Variants in NRG3 observed in about 807,000 individuals in gnomAD.
NRG3 encodes the protein neuregulin 3, also known as pro-neuregulin-3, membrane-bound isoform.
NRG3 carries 31 observed loss-of-function variants against 66.9 expected under a neutral mutation model. The observed-to-expected ratio is 0.46, with a 90% CI of 0.35 to 0.63. The LOEUF (loss-of-function observed/expected upper bound fraction) is 0.63, where lower values mean the gene tolerates loss of function less well. Among genes scored for constraint, NRG3 ranks in the 20% least tolerant of loss-of-function variants. The probability of loss-of-function intolerance (pLI) is 0.00; values close to 1 mark genes in which losing one functional copy is unlikely to be tolerated. For synonymous variants in NRG3, 393 were observed against 359.4 expected (o/e 1.09, Z -1.06); for missense variants, 910 against 878.9 (o/e 1.04, Z -0.45).
intron 4 of NRG3, among the ~76,000 whole-genome samples, chr10:82,900,523 G>T (rs1654888816): frequency 6.6e-6 from 1 of 151,866 alleles, no homozygotes; most frequent in Admixed American, 6.6e-5. Context: ...ACTAATATAG[G>T]TATAGGAAGA....
chr10:82,877,082 T>A (rs917112552), intron 4 of NRG3, among the ~76,000 whole-genome samples: 2 of 151,702 alleles, frequency 1.3e-5, no homozygotes, highest in Admixed American at 6.6e-5. Flanking sequence ...GTTAAAAAAT[T>A]GTTTTTTATA....
intron 1 of NRG3, among the ~76,000 whole-genome samples, chr10:81,882,823 C>T (rs542114475): frequency 1.3e-5 from 2 of 152,250 alleles, no homozygotes; most frequent in Admixed American, 6.5e-5. Context: ...GATATCCTGG[C>T]ACACACAATA....
intron 2 of NRG3, among the ~76,000 whole-genome samples, chr10:82,626,471 A>G (rs879433610): frequency 6.6e-6 from 1 of 152,162 alleles, no homozygotes; most frequent in Non-Finnish European, 1.5e-5. Flanking sequence ...AATCACCCAC[A>G]TATTGTGTCA....
intron 2 of NRG3, among the ~76,000 whole-genome samples, chr10:82,467,603 G>T (rs1249276520): frequency 6.6e-6 from 1 of 152,166 alleles, no homozygotes; most frequent in Non-Finnish European, 1.5e-5. Context: ...ACACCAAGGG[G>T]CCCCAGGACC....
intron 2 of NRG3, among the ~76,000 whole-genome samples, chr10:82,367,690 G>A (rs2084630315): frequency 6.6e-6 from 1 of 151,950 alleles, no homozygotes; most frequent in South Asian, 2.1e-4. Flanking sequence ...ACTGCTACTA[G>A]CAGACAAATT....
intron 1 of NRG3, among the ~76,000 whole-genome samples, chr10:81,980,550 GA>G (rs1316238315): frequency 2.0e-5 from 3 of 152,168 alleles, no homozygotes; most frequent in Non-Finnish European, 4.4e-5. Flanking sequence ...ATTTTAAGGA[GA>G]GGGGCAAGGC....
chr10:82,096,821 G>A (rs895765952), intron 1 of NRG3, among the ~76,000 whole-genome samples: 1 of 152,054 alleles, frequency 6.6e-6, no homozygotes, highest in African/African-American at 2.4e-5. Flanking sequence ...ATAATCCATT[G>A]CCTATGAGAC....
chr10:82,715,233 A>G lies in NRG3; in HGVS notation c.954-23344A>G, dbSNP rs561414712. 1.4e-4 allele frequency among the ~76,000 whole-genome samples: 21 copies of G among 152,256 alleles called. No individual in the cohort carries two copies. The East Asian group carries it at 3.9e-3, about 28-fold the overall frequency. On this transcript the variant is annotated intron_variant, in intron 2 of 8. Transcript: ENST00000372141. ...AACATGGCAAAACCCCATCGCTACC[A>G]AAAAATACAAAACAATTAGCCAGCT... is the stretch of plus-strand genomic sequence containing the variant.
chr10:82,985,083 G>C lies in NRG3; in HGVS notation c.1584-15G>C, dbSNP rs983548282. The C allele has an allele frequency of 1.9e-6, 3 of 1,610,414 alleles. No individual in the cohort carries two copies. Among genetic ancestry groups the C allele is most frequent in the Non-Finnish European group, 2.5e-6 (3 of 1,178,264 alleles). ...GGTAGAAAGCAGAAGGAGTAACACTGTGTTTCTTTTTCAGGTATTCATCCA... is the reference window on the plus strand; with the variant it reads ...GGTAGAAAGCAGAAGGAGTAACACTCTGTTTCTTTTTCAGGTATTCATCCA... On this transcript the variant is annotated splice_polypyrimidine_tract_variant and intron_variant, in intron 8 of 8. Coordinates refer to ENST00000372141, the MANE Select transcript of NRG3 (RefSeq NM_001010848.4).
At chr10:82,073,815 T>C (rs1351867878) in intron 1 of NRG3, among the ~76,000 whole-genome samples, 1 of 152,222 alleles carries the variant, frequency 6.6e-6, no homozygotes, top group African/African-American at 2.4e-5. Context: ...AAATAGTATA[T>C]GTACTTGAAA....
intron 3 of NRG3, among the ~76,000 whole-genome samples, chr10:82,777,294 T>A (rs2059946968): frequency 6.6e-6 from 1 of 151,744 alleles, no homozygotes; most frequent in African/African-American, 2.4e-5. Flanking sequence ...GCTTTAGGGG[T>A]CTTCCTGTTT....
intron 1 of NRG3, among the ~76,000 whole-genome samples, chr10:82,017,388 G>A (rs781457549): frequency 1.8e-4 from 28 of 152,220 alleles, no homozygotes; most frequent in Non-Finnish European, 2.5e-4. Flanking sequence ...GAGTAGTGCC[G>A]CAATAAACAT....
At chr10:82,777,543 C>T (rs889916869) in intron 3 of NRG3, among the ~76,000 whole-genome samples, 7 of 152,118 alleles carry the variant, frequency 4.6e-5, no homozygotes, top group African/African-American at 1.2e-4. Flanking sequence ...AGGGTGGTGA[C>T]TCTTAGGCAC....
chr10:81,914,184 A>G (rs1439363972), intron 1 of NRG3, among the ~76,000 whole-genome samples: 1 of 152,198 alleles, frequency 6.6e-6, no homozygotes, highest in African/African-American at 2.4e-5. Flanking sequence ...TTTTACAATG[A>G]ACACGTATTA....
intron 1 of NRG3, among the ~76,000 whole-genome samples, chr10:82,195,305 C>T (rs1407272544): frequency 6.6e-6 from 1 of 152,172 alleles, no homozygotes; most frequent in East Asian, 1.9e-4. Flanking sequence ...TCCAGCTTTG[C>T]ACTTCACTTT....
At chr10:81,915,164 T>G (rs1845556300) in intron 1 of NRG3, among the ~76,000 whole-genome samples, 1 of 152,230 alleles carries the variant, frequency 6.6e-6, no homozygotes, top group Admixed American at 6.5e-5. Flanking sequence ...CACTGGGATG[T>G]GTGCTGTACT....
intron 1 of NRG3, among the ~76,000 whole-genome samples, chr10:82,282,105 G>C (rs533019888): frequency 6.6e-6 from 1 of 152,014 alleles, no homozygotes; most frequent in African/African-American, 2.4e-5. Flanking sequence ...GGATAGTGGG[G>C]GCTGTGTCCA....
chr10:82,649,045 T>G (rs1472873096), intron 2 of NRG3, among the ~76,000 whole-genome samples: 4 of 152,118 alleles, frequency 2.6e-5, no homozygotes, highest in African/African-American at 9.7e-5. Flanking sequence ...CTGGAAGCAT[T>G]CCCTTTGAAA....
intron 3 of NRG3, among the ~76,000 whole-genome samples, chr10:82,806,829 G>T (rs1458547952): frequency 6.6e-6 from 1 of 152,194 alleles, no homozygotes; most frequent in Non-Finnish European, 1.5e-5. Context: ...TCATAAGGTT[G>T]TCTGATAGAG....
Sources: allele counts gnomAD v4.1 joint callset (sites outside exome capture counted in the v4.1 genomes callset), GRCh38; gene constraint gnomAD v4.1.1; transcripts MANE v1.5; gene names NCBI Gene and HGNC (gene_info 2026-07-23, HGNC 2026-07-21).